Variants in SKAP2 observed in about 807,000 individuals in gnomAD.
The protein encoded by SKAP2 is src kinase-associated phosphoprotein 2.
Under a neutral mutation model 54.9 loss-of-function variants are expected in SKAP2, and 28 were observed. That is an observed-to-expected ratio of 0.51 (90% CI 0.38 to 0.70). The LOEUF (loss-of-function observed/expected upper bound fraction) is 0.70, where lower values mean the gene tolerates loss of function less well. Among genes scored for constraint, SKAP2 ranks in the 30% least tolerant of loss-of-function variants. SKAP2 has a pLI of 0.00. For missense variants in SKAP2, 356 were observed against 424.1 expected (o/e 0.84, Z 1.41); for synonymous variants, 137 against 134.3 (o/e 1.02, Z -0.14).
At position 26,667,137 on chromosome 7, in the gene SKAP2, G is replaced by A. The variant is rs1205492893; in HGVS notation, c.*2529C>T. 1 of 152,032 alleles carries A rather than the reference G, an allele frequency of 6.6e-6. No homozygotes were observed. The highest frequency in any genetic ancestry group is 2.4e-5 in the African/African-American group (1 of 41,408). 9.4% of individuals were successfully genotyped at this position (152,032 alleles called of 1,614,324 possible). A position where few individuals can be genotyped will look rare whatever the true frequency, so the allele number is the denominator to read the frequency against. ...GTGGAACATTATTGTAAGATCTAAT[G>A]GCAATAGAGTACAAATTCAGTACAG... On this transcript the variant is annotated 3_prime_UTR_variant, in exon 13 of 13. Coordinates refer to ENST00000345317, the MANE Select transcript of SKAP2 (RefSeq NM_003930.5).
chr7:26,838,296 C>T (rs1293629711), intron 4 of SKAP2, among the ~76,000 whole-genome samples: 1 of 152,068 alleles, frequency 6.6e-6, no homozygotes, highest in Non-Finnish European at 1.5e-5. Flanking sequence ...AAGACCCCCT[C>T]CACTCCTTCC....
intron 9 of SKAP2, among the ~76,000 whole-genome samples, chr7:26,698,484 T>G (rs1786946865): frequency 6.6e-6 from 1 of 152,220 alleles, no homozygotes; most frequent in Non-Finnish European, 1.5e-5. Flanking sequence ...TGCCCTGCAC[T>G]GGCATAAAAG....
chr7:26,675,901 A>G (rs571388712), intron 11 of SKAP2, among the ~76,000 whole-genome samples: 1 of 152,340 alleles, frequency 6.6e-6, no homozygotes, highest in South Asian at 2.1e-4. Flanking sequence ...GTATTTGTCC[A>G]CATTGGAACA....
At chr7:26,774,535 A>G (rs1783262565) in intron 4 of SKAP2, among the ~76,000 whole-genome samples, 1 of 151,786 alleles carries the variant, frequency 6.6e-6, no homozygotes, top group African/African-American at 2.4e-5. Context: ...ATATATATAT[A>G]CATACACACC....
At chr7:26,708,876 T>C (rs1046055387) in intron 9 of SKAP2, among the ~76,000 whole-genome samples, 3 of 152,216 alleles carry the variant, frequency 2.0e-5, no homozygotes, top group Admixed American at 1.3e-4. Context: ...CTAATAAATA[T>C]TTGTTGCATG....
At chr7:26,676,428 C>A (rs1409271931) in intron 11 of SKAP2, among the ~76,000 whole-genome samples, 1 of 152,140 alleles carries the variant, frequency 6.6e-6, no homozygotes, top group African/African-American at 2.4e-5. Flanking sequence ...GGAAGTACAA[C>A]CTCAGAAACA....
chr7:26,810,564 A>C (rs1186977703), intron 4 of SKAP2, among the ~76,000 whole-genome samples: 3 of 152,198 alleles, frequency 2.0e-5, no homozygotes, highest in Non-Finnish European at 4.4e-5. Context: ...AAAGGTTCTC[A>C]CCACAAAAAT....
chr7:26,753,345 T>C (rs1157289414), intron 4 of SKAP2, among the ~76,000 whole-genome samples: 1 of 152,198 alleles, frequency 6.6e-6, no homozygotes, highest in African/African-American at 2.4e-5. Flanking sequence ...CTTTCAAATG[T>C]AGAAGTATAA....
chr7:26,783,456 C>T (rs1192583421), intron 4 of SKAP2, among the ~76,000 whole-genome samples: 1 of 151,982 alleles, frequency 6.6e-6, no homozygotes, highest in Non-Finnish European at 1.5e-5. Context: ...CCACCAAGAC[C>T]AGAACAAACC....
downstream of SKAP2, among the ~76,000 whole-genome samples, chr7:26,664,695 C>T (rs537263479): frequency 6.3e-5 from 9 of 143,512 alleles, no homozygotes; most frequent in Admixed American, 5.8e-4. Flanking sequence ...ATTGCCTCTC[C>T]GAGTAATGGA....
At chr7:26,748,015 T>C (rs377583774) in intron 4 of SKAP2, among the ~76,000 whole-genome samples, 37 of 152,302 alleles carry the variant, frequency 2.4e-4, no homozygotes, top group South Asian at 2.1e-3. Flanking sequence ...ATGTGAATTA[T>C]ATGACACGGA....
At chr7:26,771,270 T>G (rs1783183043) in intron 4 of SKAP2, among the ~76,000 whole-genome samples, 1 of 152,200 alleles carries the variant, frequency 6.6e-6, no homozygotes, top group Non-Finnish European at 1.5e-5. Flanking sequence ...ACTCGCCTAT[T>G]GTAATCAAAG....
intron 11 of SKAP2, among the ~76,000 whole-genome samples, chr7:26,677,702 T>G (rs1006087853): frequency 1.3e-5 from 2 of 152,232 alleles, no homozygotes; most frequent in Non-Finnish European, 2.9e-5. Context: ...ACATTGTGTT[T>G]TATTGCTATT....
Position 26,840,008 on chromosome 7 carries a change from T to C in SKAP2, c.307+4022A>G, listed in dbSNP as rs540165810. ...ATACCAAAAAAAATTTTTAATATTA[T>C]AAATTATGATAATAGTTCAGCCTTT... is the stretch of plus-strand genomic sequence containing the variant. On this transcript the variant is annotated intron_variant, in intron 4 of 12. Transcript: ENST00000345317. Among the ~76,000 whole-genome samples the C allele has an allele frequency of 2.6e-5, 4 of 152,124 alleles. No individual in the cohort carries two copies. In the South Asian group the frequency reaches 8.3e-4, roughly 32 times the overall value.
At chr7:26,715,553 G>A (rs1787412871) in intron 9 of SKAP2, among the ~76,000 whole-genome samples, 1 of 152,040 alleles carries the variant, frequency 6.6e-6, no homozygotes, top group South Asian at 2.1e-4. Context: ...GAGGCGGGTG[G>A]ATCACCTGAC....
intron 7 of SKAP2, 159 bp downstream of exon 7, chr7:26,726,723 T>G: frequency 1.9e-6 from 1 of 537,490 alleles, no homozygotes; most frequent in Non-Finnish European, 3.0e-6. Context: ...TTTTAAAAAT[T>G]TCCTCTTATA....
chr7:26,828,749 G>A (rs914407541), intron 4 of SKAP2, among the ~76,000 whole-genome samples: 59 of 151,004 alleles, frequency 3.9e-4, no homozygotes, highest in Admixed American at 1.1e-3. Context: ...AGTGATGGCC[G>A]GGAGCGGTGG....
chr7:26,788,849 G>A (rs568972932), intron 4 of SKAP2, among the ~76,000 whole-genome samples: 6 of 151,556 alleles, frequency 4.0e-5, no homozygotes, highest in South Asian at 4.2e-4. Context: ...CAAATTAATC[G>A]CAAAGTTCTA....
chr7:26,734,771 T>C (rs1787889086), intron 6 of SKAP2, among the ~76,000 whole-genome samples: 1 of 152,148 alleles, frequency 6.6e-6, no homozygotes, highest in African/African-American at 2.4e-5. Context: ...CTCTCTAGCC[T>C]TTTTTATAGA....
Sources: allele counts gnomAD v4.1 joint callset (sites outside exome capture counted in the v4.1 genomes callset), GRCh38; gene constraint gnomAD v4.1.1; transcripts MANE v1.5; gene names NCBI Gene and HGNC (gene_info 2026-07-23, HGNC 2026-07-21).